Variants in RAD21 observed in about 807,000 individuals in gnomAD.
The protein encoded by RAD21 is double-strand-break repair protein rad21 homolog.
A neutral mutation model predicts 71.5 loss-of-function variants in RAD21; 18 were observed. That is an observed-to-expected ratio of 0.25 (90% CI 0.17 to 0.37). The LOEUF (loss-of-function observed/expected upper bound fraction) is 0.37, where lower values mean the gene tolerates loss of function less well. Ranked by LOEUF, RAD21 falls within the 10% of genes least tolerant of loss-of-function variation. RAD21 has a pLI of 1.00. For synonymous variants in RAD21, 248 were observed against 254.0 expected, an observed-to-expected ratio of 0.98 and a Z score of 0.22; for missense variants, 493 against 769.1, an observed-to-expected ratio of 0.64 and a Z score of 4.25.
Position 116,850,780 on chromosome 8 carries a change from C to T in RAD21, c.1471-13G>A. ...CTACCTGCTGAGGCTTAAAGCAATA[C>T]AAATAAGACAATTTAAGATATATGC... is the stretch of plus-strand genomic sequence containing the variant. On this transcript the variant is annotated splice_polypyrimidine_tract_variant and intron_variant, in intron 11 of 13. Transcript: ENST00000297338. 1.3e-6 allele frequency: 2 copies of T among 1,505,918 alleles called. No individual in the cohort carries two copies. The highest frequency in any genetic ancestry group is 2.3e-5 in the South Asian group (2 of 87,038). 93.3% of individuals were successfully genotyped at this position (1,505,918 alleles called of 1,614,324 possible).
chr8:116,864,702 A>G (rs965947926), intron 2 of RAD21, among the ~76,000 whole-genome samples: 9 of 152,158 alleles, frequency 5.9e-5, no homozygotes, highest in South Asian at 4.1e-4. Context: ...AACCTCTGCT[A>G]TTATCTTATC....
intron 1 of RAD21, among the ~76,000 whole-genome samples, chr8:116,870,637 A>C (rs1812801964): frequency 6.6e-6 from 1 of 152,198 alleles, no homozygotes; most frequent in Non-Finnish European, 1.5e-5. Context: ...CAGAAATCCA[A>C]CATAGCAGCA....
Position 116,857,367 on chromosome 8 carries a change from T to G in RAD21, c.588A>C (p.Glu196Asp). 1 of 1,613,082 alleles carries G rather than the reference T, an allele frequency of 6.2e-7. No individual in the cohort carries two copies. The highest frequency in any genetic ancestry group is 2.2e-5 in the East Asian group (1 of 44,804). Residue 196 changes from glutamate (E) to aspartate (D), a missense_variant, in exon 6 of 14, where the codon GAA becomes GAC. By Grantham distance (45) the Glu-to-Asp change is conservative. Transcript: ENST00000297338. ...TTTSNLLLES[E>D]QSTSNLNEKI... ...TCTCATTCAGATTGCTGGTGCTCTG[T>G]TCAGACTCTAATAGGAGGTTAGAAG...
At chr8:116,866,972 C>T (rs532126196) in intron 1 of RAD21, 95 of 325,816 alleles carry the variant, frequency 2.9e-4, no homozygotes, top group African/African-American at 1.9e-3. Context: ...CCCCAAAATA[C>T]TAAGAGCTGA....
Position 116,852,713 on chromosome 8 carries a change from T to TAAAAA in RAD21, c.1162-10_1162-6dup. On this transcript the variant is annotated splice_polypyrimidine_tract_variant and splice_region_variant and intron_variant, in intron 9 of 13. Transcript: ENST00000297338. The stretch of plus-strand genomic sequence containing the variant: ...TGTAAGACAGCGTGTAAAGAGCTAT[T>TAAAAA]AAAAAAAAAAAAAAGAAAAATTTCA... The TAAAAA allele has an allele frequency of 8.5e-7, 1 of 1,178,874 alleles. No individual in the cohort carries two copies. The highest frequency in any genetic ancestry group is 1.1e-6 in the Non-Finnish European group (1 of 892,784). The allele number at this position is 1,178,874 out of a possible 1,614,324, so 73.0% of individuals were successfully genotyped here.
intron 4 of RAD21, among the ~76,000 whole-genome samples, chr8:116,860,044 G>T (rs531518803): frequency 2.7e-4 from 41 of 152,310 alleles, no homozygotes; most frequent in African/African-American, 9.1e-4. Flanking sequence ...CCTGATGCAT[G>T]ACTTTGAGGG....
At position 116,847,453 on chromosome 8, in the gene RAD21, T is replaced by C; in HGVS notation, c.*47A>G. ...TGTGTCCCCTACACATGGGGGCAAT[T>C]TGTAAGCACTAGTGAATCAAACACT... On this transcript the variant is annotated 3_prime_UTR_variant, in exon 14 of 14. Coordinates refer to ENST00000297338, the MANE Select transcript of RAD21 (RefSeq NM_006265.3). 1.3e-6 allele frequency: 2 copies of C among 1,501,910 alleles called. No individual in the cohort carries two copies. The highest frequency in any genetic ancestry group is 1.3e-5 in the South Asian group (1 of 76,794). 93.0% of individuals were successfully genotyped at this position (1,501,910 alleles called of 1,614,324 possible).
chr8:116,853,568 GAATA>G (rs1812399819), intron 9 of RAD21, among the ~76,000 whole-genome samples: 1 of 152,132 alleles, frequency 6.6e-6, no homozygotes, highest in African/African-American at 2.4e-5. Flanking sequence ...CTGAGTCAAA[GAATA>G]AATAGTTTAA....
intron 2 of RAD21, among the ~76,000 whole-genome samples, chr8:116,864,595 C>T (rs1380558472): frequency 6.6e-6 from 1 of 151,944 alleles, no homozygotes; most frequent in Non-Finnish European, 1.5e-5. Context: ...TAAAATGTTG[C>T]TCCTAATGGA....
At chr8:116,857,837 C>T (rs1812501944) in intron 5 of RAD21, among the ~76,000 whole-genome samples, 1 of 152,154 alleles carries the variant, frequency 6.6e-6, no homozygotes, top group African/African-American at 2.4e-5. Flanking sequence ...GTTCTGGGCA[C>T]AGTGGCATGT....
chr8:116,846,727 A>C lies in RAD21; in HGVS notation c.*773T>G, dbSNP rs374261723. Reference sequence around the variant, plus strand: ...ACATCTTTTTAAAACTTTGATTTATAGCTCCTAGAAAGTTATGTTTTTTAA... The same window carrying C: ...ACATCTTTTTAAAACTTTGATTTATCGCTCCTAGAAAGTTATGTTTTTTAA... On this transcript the variant is annotated 3_prime_UTR_variant, in exon 14 of 14. Transcript: ENST00000297338. The C allele has an allele frequency of 2.7e-5, 6 of 220,274 alleles. No individual in the cohort carries two copies. Among genetic ancestry groups the C allele is most frequent in the African/African-American group, 1.3e-4 (6 of 44,602 alleles). The allele number at this position is 220,274 out of a possible 1,614,324, so 13.6% of individuals were successfully genotyped here.
intron 1 of RAD21, among the ~76,000 whole-genome samples, chr8:116,868,839 G>C (rs1337509827): frequency 1.3e-5 from 2 of 150,230 alleles, no homozygotes; most frequent in African/African-American, 4.9e-5. Context: ...AGATGCAAAA[G>C]CTATCTAATG....
chr8:116,874,510 C>T, intron 1 of RAD21, 101 bp downstream of exon 1: 1 of 247,106 alleles, frequency 4.0e-6, no homozygotes, highest in Non-Finnish European at 8.0e-6. Context: ...TTCTCCCTCG[C>T]CCTCCCGCCC....
At chr8:116,856,959 T>A (rs1186384393) in intron 6 of RAD21, among the ~76,000 whole-genome samples, 188 bp from the exon 7 acceptor site, 1 of 151,076 alleles carries the variant, frequency 6.6e-6, no homozygotes, top group Non-Finnish European at 1.5e-5. Context: ...AAATTCTCAT[T>A]CTTCATTTGT....
chr8:116,850,866 A>G (rs1812335390), intron 11 of RAD21, 99 bp from the exon 12 acceptor site: 2 of 752,666 alleles, frequency 2.7e-6, no homozygotes, highest in African/African-American at 3.5e-5. Flanking sequence ...CTAGTCAAAA[A>G]GAAATACTGA....
chr8:116,846,811 C>G lies in RAD21; in HGVS notation c.*689G>C, dbSNP rs772038531. On this transcript the variant is annotated 3_prime_UTR_variant, in exon 14 of 14. Transcript: ENST00000297338. ...TCATTTTGGAGCCTCACTAAAATAA[C>G]AGATTTCAGTATAGCCAAGTTCATC... The G allele has an allele frequency of 4.5e-6, 1 of 220,444 alleles. No individual in the cohort carries two copies. The highest frequency in any genetic ancestry group is 9.1e-6 in the Non-Finnish European group (1 of 110,060). The allele number at this position is 220,444 out of a possible 1,614,324, so 13.7% of individuals were successfully genotyped here.
At chr8:116,856,605 C>A in intron 7 of RAD21, 41 bp downstream of exon 7, 1 of 1,532,824 alleles carries the variant, frequency 6.5e-7, no homozygotes, top group South Asian at 1.3e-5. Flanking sequence ...TTCTGGATGC[C>A]ATACAATCAT....
At chr8:116,856,029 G>A in intron 8 of RAD21, 137 bp downstream of exon 8, 1 of 970,620 alleles carries the variant, frequency 1.0e-6, no homozygotes, top group East Asian at 2.8e-5. Flanking sequence ...TAGCAGATCA[G>A]TAGACAGGCC....
intron 2 of RAD21, among the ~76,000 whole-genome samples, chr8:116,864,987 C>T (rs952815556): frequency 3.3e-5 from 5 of 152,080 alleles, no homozygotes; most frequent in African/African-American, 1.2e-4. Flanking sequence ...CCACGTGTGA[C>T]ACTTATGCTA....
Sources: gnomAD v4.1 joint callset for allele counts (sites outside exome capture counted in the v4.1 genomes callset) on GRCh38, gnomAD v4.1.1 for gene constraint, MANE v1.5 for transcripts, NCBI Gene and HGNC (gene_info 2026-07-23, HGNC 2026-07-21) for gene names.